Variants in COL4A1 observed in about 807,000 individuals in gnomAD.
COL4A1 encodes the protein collagen alpha-1(IV) chain.
A neutral mutation model predicts 216.6 loss-of-function variants in COL4A1; 40 were observed. The observed-to-expected ratio is 0.18, with a 90% CI of 0.14 to 0.24. The LOEUF (loss-of-function observed/expected upper bound fraction) is 0.24. Among genes scored for constraint, COL4A1 ranks in the 10% least tolerant of loss-of-function variants. The pLI is 1.00. For synonymous variants in COL4A1, 839 were observed against 810.7 expected (o/e 1.03, Z -0.59); for missense variants, 1,628 against 2,196.8 (o/e 0.74, Z 5.18).
rs142048694 is a variant in COL4A1, at chr13:110,166,410, TATAG to T, written c.3950-111_3950-108del. The T allele has an allele frequency of 7.2e-3, 5,716 of 797,788 alleles. 29 individuals carry two copies. Among genetic ancestry groups the T allele is most frequent in the Middle Eastern group, 0.02 (90 of 4,436 alleles). The allele number at this position is 797,788 out of a possible 1,614,324, so 49.4% of individuals were successfully genotyped here. A position where few individuals can be genotyped will look rare whatever the true frequency, so the allele number is the denominator to read the frequency against. ...GCACACACATACATGTACACAAATG[TATAG>T]ATAAATGCATATACACACACATATA... On this transcript the variant is annotated intron_variant, in intron 44 of 51. Transcript: ENST00000375820.
At chr13:110,181,959 G>A (rs534244891) in intron 28 of COL4A1, among the ~76,000 whole-genome samples, 37 of 152,320 alleles carry the variant, frequency 2.4e-4, no homozygotes, top group Admixed American at 4.6e-4. Flanking sequence ...CCAGTAATTT[G>A]TAAGTTTGCA....
chr13:110,303,741 G>A (rs1884581917), intron 1 of COL4A1, among the ~76,000 whole-genome samples: 1 of 152,208 alleles, frequency 6.6e-6, no homozygotes, highest in Non-Finnish European at 1.5e-5. Context: ...GCCTGACTTG[G>A]ATTCGTCTGT....
chr13:110,297,622 A>G (rs1884327694), intron 1 of COL4A1, among the ~76,000 whole-genome samples: 1 of 152,234 alleles, frequency 6.6e-6, no homozygotes. Flanking sequence ...TGCCTTTTGC[A>G]GTCTCAGAAC....
chr13:110,174,572 T>C, intron 38 of COL4A1, 46 bp from the exon 39 acceptor site: 2 of 1,614,148 alleles, frequency 1.2e-6, no homozygotes, highest in Non-Finnish European at 1.7e-6. Context: ...GTTTGGGCTT[T>C]TCTTTGATTT....
chr13:110,243,462 C>A (rs1225658529), intron 1 of COL4A1, among the ~76,000 whole-genome samples: 1 of 152,124 alleles, frequency 6.6e-6, no homozygotes, highest in East Asian at 1.9e-4. Context: ...GTAATACAGG[C>A]ATCCGCCACC....
chr13:110,214,556 T>C (rs7320027), intron 2 of COL4A1, among the ~76,000 whole-genome samples: 12,827 of 152,098 alleles, frequency 0.084, 536 homozygotes, highest in African/African-American at 0.1. Context: ...TGAGCAGGTG[T>C]CATTGTTAGT....
chr13:110,295,645 C>T (rs561766020), intron 1 of COL4A1, among the ~76,000 whole-genome samples: 37 of 152,230 alleles, frequency 2.4e-4, no homozygotes, highest in Admixed American at 1.6e-3. Flanking sequence ...AGGCTGGTCT[C>T]GAACTCCTGA....
chr13:110,199,715 G>T (rs1879087289), intron 20 of COL4A1, among the ~76,000 whole-genome samples: 2 of 152,174 alleles, frequency 1.3e-5, no homozygotes, highest in African/African-American at 4.8e-5. Context: ...CTTTGGGAGG[G>T]GGACGTGGGT....
intron 2 of COL4A1, among the ~76,000 whole-genome samples, chr13:110,239,577 C>T (rs7995509): frequency 0.2 from 30,035 of 152,134 alleles, 3,402 homozygotes; most frequent in African/African-American, 0.3. Context: ...GGATAGAAGG[C>T]GTTCAGTTGC....
At chr13:110,214,381 C>T (rs954372859) in intron 2 of COL4A1, among the ~76,000 whole-genome samples, 5 of 152,178 alleles carry the variant, frequency 3.3e-5, no homozygotes, top group Non-Finnish European at 4.4e-5. Context: ...TGGGCTACCA[C>T]GCCTGGCCCG....
At chr13:110,164,762 A>C in intron 46 of COL4A1, 100 bp downstream of exon 46, 2 of 1,511,668 alleles carry the variant, frequency 1.3e-6, no homozygotes, top group Non-Finnish European at 8.9e-7. Flanking sequence ...GTGTATAATC[A>C]TTACCCAGAA....
chr13:110,270,468 C>T (rs1883205078), intron 1 of COL4A1, among the ~76,000 whole-genome samples: 1 of 152,186 alleles, frequency 6.6e-6, no homozygotes, highest in African/African-American at 2.4e-5. Context: ...GAAGAGCTAT[C>T]AGTTTCTAGT....
rs1385142634 is a variant in COL4A1, at chr13:110,268,708, G to A, written c.85-25974C>T. Among the ~76,000 whole-genome samples the A allele has an allele frequency of 6.6e-6, 1 of 152,160 alleles. No homozygotes were observed. Among genetic ancestry groups the A allele is most frequent in the Admixed American group, 6.5e-5 (1 of 15,282 alleles). On this transcript the variant is annotated intron_variant, in intron 1 of 51. Coordinates refer to ENST00000375820, the MANE Select transcript of COL4A1 (RefSeq NM_001845.6). This position sits in a 1 kb window ranked among gnomAD's most constrained non-coding sequence, Gnocchi z 4.1. ...GGGTGCCTTGTCCATGACCCCATGT[G>A]GGAATGACACCTGCCTCTTAACACA...
At chr13:110,175,504 T>C in intron 36 of COL4A1, 147 bp from the exon 37 acceptor site, 1 of 1,400,818 alleles carries the variant, frequency 7.1e-7, no homozygotes, top group Non-Finnish European at 9.8e-7. Context: ...AGAATGCACA[T>C]CCCTCATGTA....
In COL4A1 at chr13:110,198,523, T is replaced by A; in HGVS notation, c.1229A>T (p.Asp410Val). The A allele has an allele frequency of 6.2e-7, 1 of 1,614,046 alleles. No individual in the cohort carries two copies. Among genetic ancestry groups the A allele is most frequent in the Non-Finnish European group, 8.5e-7 (1 of 1,180,002 alleles). The change falls in exon 21 of 52, where the codon GAT (aspartate) becomes GTT (valine). Residue 410 changes from aspartate to valine, a missense_variant. This residue lies in a region of COL4A1 where 701 missense variants were observed against 892.5 expected (regional missense o/e 0.79). Coordinates refer to ENST00000375820, the MANE Select transcript of COL4A1 (RefSeq NM_001845.6). ...GTSLPGPSGR[D>V]GLPGPPGSPG... Reference sequence around the variant, plus strand: ...GGAACCAGGAGGACCCGGGAGCCCATCTCTTCCACTTGGTCCTGGCAGAGA... The same window carrying A: ...GGAACCAGGAGGACCCGGGAGCCCAACTCTTCCACTTGGTCCTGGCAGAGA...
intron 1 of COL4A1, among the ~76,000 whole-genome samples, chr13:110,296,932 G>A (rs1368617203): frequency 2.0e-5 from 3 of 152,220 alleles, no homozygotes; most frequent in Non-Finnish European, 4.4e-5. Flanking sequence ...ATGGAAGAGA[G>A]GCACAGAGCA....
At chr13:110,274,027 A>T (rs1410703143) in intron 1 of COL4A1, among the ~76,000 whole-genome samples, 6 of 152,224 alleles carry the variant, frequency 3.9e-5, no homozygotes, top group Non-Finnish European at 8.8e-5. Context: ...TTAAAAATAC[A>T]GCGTTACTAC....
rs1245924094 is a variant in COL4A1, at chr13:110,176,981, C to T, written c.2773G>A (p.Asp925Asn). 1 of 1,614,152 alleles carries T rather than the reference C, an allele frequency of 6.2e-7. No homozygotes were observed. The change falls in exon 34 of 52, where the codon GAT becomes AAT. Residue 925 changes from aspartate to asparagine, a missense_variant. Transcript: ENST00000375820. ...CCAGGGAGACCGACATCCCCCTTATCACCTTTCAAGCCAGGGTCTCCCCTG... is the reference window on the plus strand; with the variant it reads ...CCAGGGAGACCGACATCCCCCTTATTACCTTTCAAGCCAGGGTCTCCCCTG... ...GPRGDPGLKG[D>N]KGDVGLPGKP...
At chr13:110,152,256 T>C in intron 51 of COL4A1, 78 bp downstream of exon 51, 1 of 1,582,656 alleles carries the variant, frequency 6.3e-7, no homozygotes, top group South Asian at 1.1e-5. Flanking sequence ...CATTGGAAGG[T>C]GTTACGGATC....
Sources: allele counts gnomAD v4.1 joint callset (sites outside exome capture counted in the v4.1 genomes callset), GRCh38; gene constraint gnomAD v4.1.1; regional missense constraint gnomAD v4.1.1; non-coding constraint Gnocchi (gnomAD v3.1); transcripts MANE v1.5; gene names NCBI Gene and HGNC (gene_info 2026-07-23, HGNC 2026-07-21).